The following SASS6 variants were observed in gnomAD, a reference collection of about 807,000 sequenced individuals.
The protein encoded by SASS6 is spindle assembly abnormal protein 6 homolog.
Under a neutral mutation model 94.9 loss-of-function variants are expected in SASS6, and 59 were observed. That is an observed-to-expected ratio of 0.62 (90% CI 0.50 to 0.77). The LOEUF (loss-of-function observed/expected upper bound fraction) is 0.77, where lower values mean the gene tolerates loss of function less well. Ranked by LOEUF, SASS6 falls within the 30% of genes least tolerant of loss-of-function variation. The pLI, the probability that SASS6 is intolerant of heterozygous loss-of-function variation, is 0.00. For missense variants in SASS6, 698 were observed against 734.1 expected, an observed-to-expected ratio of 0.95 and a Z score of 0.57; for synonymous variants, 264 against 270.0, an observed-to-expected ratio of 0.98 and a Z score of 0.22.
chr1:100,086,424 T>G (rs997266602), intron 15 of SASS6, among the ~76,000 whole-genome samples: 6 of 152,044 alleles, frequency 3.9e-5, no homozygotes, highest in Non-Finnish European at 8.8e-5. Context: ...AGTCCTAATT[T>G]TATGGACAGA....
chr1:100,130,704 AGAG>A (rs1374900769), intron 1 of SASS6, among the ~76,000 whole-genome samples: 12 of 113,594 alleles, frequency 1.1e-4, no homozygotes, highest in Admixed American at 5.6e-4. Context: ...AAAAAAAAAA[AGAG>A]AGAGAGAAAG....
At position 100,083,956 on chromosome 1, in the gene SASS6, G is replaced by A. The variant is rs976240169; in HGVS notation, c.*1372C>T. The A allele has an allele frequency of 6.6e-6, 1 of 151,856 alleles. No individual in the cohort carries two copies. Among genetic ancestry groups the A allele is most frequent in the African/African-American group, 2.4e-5 (1 of 41,364 alleles). The allele number at this position is 151,856 out of a possible 1,614,324, so 9.4% of individuals were successfully genotyped here. ...AAAGCTCCTTCCAAAATCACCAAGA[G>A]GCTTCTTTCCAGAATAGCAAGTGCT... On this transcript the variant is annotated 3_prime_UTR_variant, in exon 17 of 17. Coordinates refer to ENST00000287482, the MANE Select transcript of SASS6 (RefSeq NM_194292.3).
chr1:100,087,110 G>A (rs1651345405), intron 15 of SASS6, among the ~76,000 whole-genome samples: 2 of 152,080 alleles, frequency 1.3e-5, no homozygotes, highest in Non-Finnish European at 2.9e-5. Context: ...TCAGCCTCCT[G>A]AGTAACTGAG....
At chr1:100,105,199 T>C (rs532660038) in intron 13 of SASS6, among the ~76,000 whole-genome samples, 6 of 152,320 alleles carry the variant, frequency 3.9e-5, no homozygotes, top group South Asian at 4.1e-4. Context: ...TTAGTTAGCA[T>C]TGAAAGATTT....
At chr1:100,131,182 TTTTTTC>T (rs1380322059) in intron 1 of SASS6, among the ~76,000 whole-genome samples, 2 of 151,870 alleles carry the variant, frequency 1.3e-5, no homozygotes, top group East Asian at 1.9e-4. Flanking sequence ...TAATTTTAAT[TTTTTTC>T]TTTTTCTTTT....
intron 1 of SASS6, among the ~76,000 whole-genome samples, chr1:100,127,379 A>G (rs1557896881): frequency 1.3e-5 from 2 of 152,272 alleles, no homozygotes; most frequent in Non-Finnish European, 2.9e-5. Flanking sequence ...GAAAACTTGG[A>G]AACAGTTGAT....
chr1:100,096,347 G>A (rs1402331254), intron 14 of SASS6, among the ~76,000 whole-genome samples: 1 of 152,170 alleles, frequency 6.6e-6, no homozygotes, highest in Non-Finnish European at 1.5e-5. Flanking sequence ...GGGGAAAAAT[G>A]AACTTAGATC....
At chr1:100,094,635 AC>A (rs1651984425) in intron 14 of SASS6, among the ~76,000 whole-genome samples, 1 of 152,068 alleles carries the variant, frequency 6.6e-6, no homozygotes, top group South Asian at 2.1e-4. Context: ...TGGGCGGATC[AC>A]CCACCTCTGA....
chr1:100,096,149 A>G (rs896277659), intron 14 of SASS6, among the ~76,000 whole-genome samples: 11 of 152,258 alleles, frequency 7.2e-5, no homozygotes, highest in Non-Finnish European at 1.2e-4. Context: ...AACTTTTAAT[A>G]TAAAGTCATA....
intron 7 of SASS6, among the ~76,000 whole-genome samples, chr1:100,118,704 T>C (rs1183194597): frequency 1.3e-5 from 2 of 152,124 alleles, no homozygotes; most frequent in African/African-American, 4.8e-5. Flanking sequence ...CCCATTAGTA[T>C]AGAACAAAAC....
chr1:100,120,552 CT>C (rs1654114166), intron 5 of SASS6, 93 bp from the exon 6 acceptor site: 2 of 622,618 alleles, frequency 3.2e-6, no homozygotes, highest in Non-Finnish European at 5.7e-6. Context: ...TCCTGGAAGC[CT>C]GTTAGAAATG....
intron 3 of SASS6, 65 bp from the exon 4 acceptor site, chr1:100,122,549 C>CTTT (rs71075469): frequency 0.016 from 3,564 of 223,186 alleles, 131 homozygotes; most frequent in African/African-American, 0.059. Flanking sequence ...GTTTTGGTGC[C>CTTT]TTTTTTTTTT....
At chr1:100,128,761 A>AT (rs1338817402) in intron 1 of SASS6, among the ~76,000 whole-genome samples, 2 of 152,260 alleles carry the variant, frequency 1.3e-5, no homozygotes, top group East Asian at 3.8e-4. Context: ...TACTAATGAC[A>AT]TTAGATTTAG....
intron 5 of SASS6, 26 bp from the exon 6 acceptor site, chr1:100,120,485 ACAG>A: frequency 3.9e-6 from 4 of 1,018,558 alleles, no homozygotes; most frequent in Non-Finnish European, 6.2e-6. Flanking sequence ...ATAAAATTAC[ACAG>A]TTTACAATGT....
chr1:100,097,021 A>T (rs1234076463), intron 14 of SASS6, among the ~76,000 whole-genome samples: 1 of 152,190 alleles, frequency 6.6e-6, no homozygotes, highest in Admixed American at 6.5e-5. Context: ...AGGCTGAGGC[A>T]TGAGAATTGC....
intron 1 of SASS6, among the ~76,000 whole-genome samples, 197 bp downstream of exon 1, chr1:100,132,553 C>T (rs760894154): frequency 1.1e-4 from 17 of 152,170 alleles, no homozygotes; most frequent in Non-Finnish European, 2.4e-4. Flanking sequence ...TCCTCACACC[C>T]TTCCTCCAGT....
chr1:100,096,316 G>A (rs951266145), intron 14 of SASS6, among the ~76,000 whole-genome samples: 9 of 152,166 alleles, frequency 5.9e-5, no homozygotes, highest in Admixed American at 2.0e-4. Context: ...ATGGTACTAA[G>A]AACTGGATAT....
chr1:100,125,222 A>AGTGTGTGTGTGTGTGT (rs59388922), intron 2 of SASS6, among the ~76,000 whole-genome samples: 257 of 143,718 alleles, frequency 1.8e-3, no homozygotes, highest in African/African-American at 4.1e-3. Context: ...ACAAGGCAGC[A>AGTGTGTGTGTGTGTGT]GTGTGTGTGT....
rs550380776 is a variant in SASS6 at position 100,129,363 on chromosome 1, G to C, written c.65+3387C>G. ...CTTTTTGCTAGATTTGCTTCTGATT[G>C]CATTTTAGGGCTCCATGAGAGGGGA... is the stretch of plus-strand genomic sequence containing the variant. On this transcript the variant is annotated intron_variant, in intron 1 of 16. Coordinates refer to ENST00000287482, the MANE Select transcript of SASS6 (RefSeq NM_194292.3). Among the ~76,000 whole-genome samples the C allele has an allele frequency of 6.6e-5, 10 of 152,214 alleles. No individual in the cohort carries two copies. The East Asian group carries it at 1.9e-3, about 29-fold the overall frequency.
Sources: gnomAD v4.1 joint callset for allele counts (sites outside exome capture counted in the v4.1 genomes callset) on GRCh38, gnomAD v4.1.1 for gene constraint, MANE v1.5 for transcripts, NCBI Gene and HGNC (gene_info 2026-07-23, HGNC 2026-07-21) for gene names.